RABGAP1L: variants seen among roughly 807,000 people sequenced by gnomAD.
RABGAP1L encodes rab GTPase-activating protein 1-like.
RABGAP1L carries 63 observed loss-of-function variants against 137.7 expected under a neutral mutation model. The ratio of observed to expected loss-of-function variants is 0.46; its 90% CI spans 0.37 to 0.56. The LOEUF is 0.56. RABGAP1L is among the 20% of genes least tolerant of loss of function. The pLI, the probability that RABGAP1L is intolerant of heterozygous loss-of-function variation, is 0.00. For synonymous variants in RABGAP1L, 431 were observed against 433.7 expected, an observed-to-expected ratio of 0.99 and a Z score of 0.08; for missense variants, 1,095 against 1,244.0, an observed-to-expected ratio of 0.88 and a Z score of 1.80.
chr1:174,717,760 T>C (rs1197221852), intron 17 of RABGAP1L, among the ~76,000 whole-genome samples: 4 of 151,934 alleles, frequency 2.6e-5, no homozygotes, highest in African/African-American at 9.7e-5. Context: ...TGTCTGGTGG[T>C]GAACCGCATG....
At chr1:174,164,052 A>G (rs1664719922) in intron 1 of RABGAP1L, among the ~76,000 whole-genome samples, 1 of 152,096 alleles carries the variant, frequency 6.6e-6, no homozygotes, top group African/African-American at 2.4e-5. Context: ...CACAAATACT[A>G]GAATTATCTG....
At chr1:174,333,729 T>A (rs987048365) in intron 11 of RABGAP1L, among the ~76,000 whole-genome samples, 7 of 152,302 alleles carry the variant, frequency 4.6e-5, no homozygotes, top group African/African-American at 1.7e-4. Flanking sequence ...TAGTTTTTAT[T>A]AGGGTAGGGC....
intron 13 of RABGAP1L, among the ~76,000 whole-genome samples, chr1:174,612,970 G>T (rs1372426523): frequency 6.6e-6 from 1 of 151,448 alleles, no homozygotes; most frequent in Non-Finnish European, 1.5e-5. Context: ...AGTCTTGCTA[G>T]TGGTCTATCA....
intron 19 of RABGAP1L, among the ~76,000 whole-genome samples, chr1:174,831,159 C>T (rs78937615): frequency 0.024 from 3,573 of 147,858 alleles, 371 homozygotes; most frequent in Middle Eastern, 0.092. Context: ...CTAAAAAGAA[C>T]GTTTTAGACA....
intron 12 of RABGAP1L, among the ~76,000 whole-genome samples, chr1:174,382,936 C>T (rs1020783436): frequency 6.6e-6 from 1 of 150,904 alleles, no homozygotes; most frequent in Non-Finnish European, 1.5e-5. Context: ...TACTTTTGGT[C>T]TTTGATGATG....
chr1:174,307,306 CATAACATGAAA>C (rs970968135), intron 11 of RABGAP1L, among the ~76,000 whole-genome samples: 48 of 152,152 alleles, frequency 3.2e-4, no homozygotes, highest in African/African-American at 9.2e-4. Context: ...GTAAAATTCA[CATAACATGAAA>C]ATAACATGAA....
chr1:174,682,305 C>CACAT lies in RABGAP1L; in HGVS notation c.1825-1216_1825-1215insCATA, dbSNP rs1553233070. Among the ~76,000 whole-genome samples the CACAT allele has an allele frequency of 6.1e-5, 9 of 147,026 alleles. No individual in the cohort carries two copies. The South Asian group carries it at 1.7e-3, about 28-fold the overall frequency. On this transcript the variant is annotated intron_variant, in intron 14 of 25. Coordinates refer to ENST00000681986, the MANE Select transcript of RABGAP1L (RefSeq NM_001366446.1). ...CTCTCTCTCTCTCTCTCTATACATA[C>CACAT]ATATATATATATACACACACACACA...
At chr1:174,660,865 T>C (rs565512480) in intron 14 of RABGAP1L, among the ~76,000 whole-genome samples, 2 of 152,352 alleles carry the variant, frequency 1.3e-5, no homozygotes, top group East Asian at 3.9e-4. Flanking sequence ...CCCTTTTCTC[T>C]GCTTTGTCAC....
chr1:174,771,168 G>A (rs984368480), intron 18 of RABGAP1L, among the ~76,000 whole-genome samples: 4 of 152,182 alleles, frequency 2.6e-5, no homozygotes, highest in African/African-American at 7.2e-5. Context: ...AGGGGGATGC[G>A]CAGGATACGA....
rs114583007 is a variant in RABGAP1L at position 174,770,477 on chromosome 1, C to T, written c.2211+18123C>T. Among the ~76,000 whole-genome samples the T allele has an allele frequency of 2.7e-3, 413 of 152,260 alleles. 5 individuals carry two copies. Among genetic ancestry groups the T allele is most frequent in the African/African-American group, 8.2e-3 (341 of 41,548 alleles). On this transcript the variant is annotated intron_variant, in intron 18 of 25. Transcript: ENST00000681986. ...AAGCAATTTCTCATTACTTATTTCT[C>T]ATGAAACAATCCAAAATATCAAGAA...
At chr1:174,880,526 C>CTT in intron 19 of RABGAP1L, among the ~76,000 whole-genome samples, 1 of 151,072 alleles carries the variant, frequency 6.6e-6, no homozygotes, top group Non-Finnish European at 1.5e-5. Context: ...ACAGAATTCT[C>CTT]TTTTTTTTTC....
intron 11 of RABGAP1L, among the ~76,000 whole-genome samples, chr1:174,320,338 T>G (rs896216370): frequency 6.6e-6 from 1 of 152,212 alleles, no homozygotes; most frequent in South Asian, 2.1e-4. Context: ...ATGGAATCAC[T>G]TAGTACATAG....
chr1:174,502,576 G>GTATATATATACA (rs1661386951), intron 13 of RABGAP1L, among the ~76,000 whole-genome samples: 2 of 129,074 alleles, frequency 1.5e-5, no homozygotes, highest in Non-Finnish European at 3.2e-5. Flanking sequence ...AAAGTACACG[G>GTATATATATACA]TATATATATA....
intron 13 of RABGAP1L, among the ~76,000 whole-genome samples, chr1:174,469,493 A>G (rs182488922): frequency 2.8e-3 from 427 of 152,332 alleles, no homozygotes; most frequent in Non-Finnish European, 4.9e-3. Flanking sequence ...CTAAATCAGA[A>G]TATCTACAAT....
intron 14 of RABGAP1L, among the ~76,000 whole-genome samples, chr1:174,682,617 C>T (rs1678167581): frequency 6.6e-6 from 1 of 152,184 alleles, no homozygotes; most frequent in African/African-American, 2.4e-5. Flanking sequence ...CCTACTGTAA[C>T]TGATTCAGCC....
chr1:174,244,027 ATGTCCAACATC>A (rs1345478985), intron 5 of RABGAP1L, among the ~76,000 whole-genome samples: 1 of 152,198 alleles, frequency 6.6e-6, no homozygotes, highest in African/African-American at 2.4e-5. Context: ...TTTGCAGAAG[ATGTCCAACATC>A]TTCCTCTCTG....
At chr1:174,852,571 T>G (rs1648553790) in intron 19 of RABGAP1L, among the ~76,000 whole-genome samples, 1 of 152,130 alleles carries the variant, frequency 6.6e-6, no homozygotes, top group Admixed American at 6.6e-5. Context: ...CCCAGCAATT[T>G]GGGAGGCTGA....
chr1:174,348,665 C>G (rs867444054), intron 11 of RABGAP1L, among the ~76,000 whole-genome samples: 18 of 146,738 alleles, frequency 1.2e-4, no homozygotes, highest in Non-Finnish European at 2.0e-4. Context: ...TGACTCTTAA[C>G]GAGCATGCTG....
intron 13 of RABGAP1L, among the ~76,000 whole-genome samples, chr1:174,635,127 TC>T (rs1374379378): frequency 2.0e-5 from 3 of 152,122 alleles, no homozygotes; most frequent in Non-Finnish European, 4.4e-5. Flanking sequence ...TAGATTTTTT[TC>T]TTTTTACCAA....
Sources: gnomAD v4.1 joint callset for allele counts (sites outside exome capture counted in the v4.1 genomes callset) on GRCh38, gnomAD v4.1.1 for gene constraint, MANE v1.5 for transcripts, NCBI Gene and HGNC (gene_info 2026-07-23, HGNC 2026-07-21) for gene names.